Variants in CDK3 observed in about 807,000 individuals in gnomAD.
CDK3 encodes the protein cyclin-dependent kinase 3.
CDK3 carries 24 observed loss-of-function variants against 30.2 expected under a neutral mutation model. That is an observed-to-expected ratio of 0.79 (90% CI 0.57 to 1.12). CDK3 has a LOEUF of 1.12. CDK3 is among the 50% of genes most tolerant of loss of function. The pLI is 0.00. For missense variants in CDK3, 345 were observed against 376.0 expected (o/e 0.92, Z 0.68); for synonymous variants, 158 against 154.2 (o/e 1.02, Z -0.18).
chr17:76,005,702 C>G lies in CDK3; in HGVS notation c.*279C>G. On this transcript the variant is annotated 3_prime_UTR_variant, in exon 8 of 8. Transcript: ENST00000448471. This position sits in a 1 kb window ranked among gnomAD's most constrained non-coding sequence, Gnocchi z 4.7. ...AAGTGCCAAGTTGAAGGCAGGGGGC[C>G]TGCCAGAGCTGGGTGTGGGTATTCA... is the stretch of plus-strand genomic sequence containing the variant. The G allele has an allele frequency of 2.7e-6, 1 of 365,848 alleles. No individual in the cohort carries two copies. The highest frequency in any genetic ancestry group is 5.0e-6 in the Non-Finnish European group (1 of 201,708). 22.7% of individuals were successfully genotyped at this position (365,848 alleles called of 1,614,324 possible).
In CDK3 at chr17:76,001,201, G is replaced by A. The variant is rs1389168901; in HGVS notation, c.-14-211G>A. On this transcript the variant is annotated intron_variant, in intron 1 of 7. Coordinates refer to ENST00000448471, the MANE Select transcript of CDK3 (RefSeq NM_001258.4). This position sits in a 1 kb window ranked among gnomAD's most constrained non-coding sequence, Gnocchi z 6.2. Reference sequence around the variant, plus strand: ...TGAAGGGGGCCCCCTGACCCCCTTGGGGTCCGGGCTGGGCTGGGTGAGGGG... The same window carrying A: ...TGAAGGGGGCCCCCTGACCCCCTTGAGGTCCGGGCTGGGCTGGGTGAGGGG... 6 of 1,395,024 alleles carry A rather than the reference G, an allele frequency of 4.3e-6. No individual in the cohort carries two copies. In the Admixed American group the frequency reaches 1.4e-4, roughly 33 times the overall value. The allele number at this position is 1,395,024 out of a possible 1,614,324, so 86.4% of individuals were successfully genotyped here.
At position 76,002,130 on chromosome 17, in the gene CDK3, G is replaced by A. The variant is rs2144376651; in HGVS notation, c.303G>A (p.Leu101=). 2.5e-6 allele frequency: 4 copies of A among 1,613,964 alleles called. No individual in the cohort carries two copies. The highest frequency in any genetic ancestry group is 2.2e-5 in the East Asian group (1 of 44,876). ...MDSTPGSELP[L]HLIKSYLFQL... ...CCACCCCAGGCTCAGAGCTCCCCCTGCACCTCATCAAGGTAGGGAAGGAAG... is the reference window on the plus strand; with the variant it reads ...CCACCCCAGGCTCAGAGCTCCCCCTACACCTCATCAAGGTAGGGAAGGAAG... Residue 101 remains leucine (L), a synonymous_variant, in exon 4 of 8, where the codon CTG becomes CTA. Transcript: ENST00000448471. The surrounding 1 kb of genome is among the most constrained non-coding windows in gnomAD (Gnocchi z 4.3).
chr17:76,003,241 T>A lies in CDK3; in HGVS notation c.635T>A (p.Leu212His). ...LFPGDSEIDQ[L>H]FRIFRMLGTP... Reference sequence around the variant, plus strand: ...CCTGGTGACTCTGAGATTGACCAGCTCTTTCGTATCTTTCGTATGCTGGGG... The same window carrying A: ...CCTGGTGACTCTGAGATTGACCAGCACTTTCGTATCTTTCGTATGCTGGGG... The change falls in exon 7 of 8, where the codon CTC (leucine) becomes CAC (histidine). Residue 212 changes from leucine (L) to histidine (H), a missense_variant. Coordinates refer to ENST00000448471, the MANE Select transcript of CDK3 (RefSeq NM_001258.4). The A allele has an allele frequency of 6.2e-7, 1 of 1,614,172 alleles. No individual in the cohort carries two copies. The highest frequency in any genetic ancestry group is 8.5e-7 in the Non-Finnish European group (1 of 1,180,028).
At chr17:76,003,035 C>T in intron 6 of CDK3, 160 bp from the exon 7 acceptor site, 1 of 684,496 alleles carries the variant, frequency 1.5e-6, no homozygotes, top group Non-Finnish European at 2.6e-6. Context: ...GGCTAAAGGA[C>T]TGAGGAAGGT....
Position 76,005,480 on chromosome 17 carries a change from C to T in CDK3, c.*57C>T. 1 of 1,573,402 alleles carries T rather than the reference C, an allele frequency of 6.4e-7. No individual in the cohort carries two copies. The highest frequency in any genetic ancestry group is 8.7e-7 in the Non-Finnish European group (1 of 1,154,600). On this transcript the variant is annotated 3_prime_UTR_variant, in exon 8 of 8. Transcript: ENST00000448471. This position sits in a 1 kb window ranked among gnomAD's most constrained non-coding sequence, Gnocchi z 4.7. ...GAGCAGCTGCTGCCCCAGCTGCCTC[C>T]TACCCATTGCCAAGAGAGGATGCAT...
Position 76,002,697 on chromosome 17 carries a change from G to A in CDK3, c.588+85G>A, listed in dbSNP as rs998304538. On this transcript the variant is annotated intron_variant, in intron 6 of 7. Transcript: ENST00000448471. This position sits in a 1 kb window ranked among gnomAD's most constrained non-coding sequence, Gnocchi z 4.3. ...GTGGGGTCCACTGATGCTCCCATTCGAGGCGGATTAAAGAGTGTTTGGGGC... is the reference window on the plus strand; with the variant it reads ...GTGGGGTCCACTGATGCTCCCATTCAAGGCGGATTAAAGAGTGTTTGGGGC... The A allele has an allele frequency of 1.7e-5, 13 of 745,130 alleles. No homozygotes were observed. The highest frequency in any genetic ancestry group is 3.4e-5 in the African/African-American group (2 of 58,556). 46.2% of individuals were successfully genotyped at this position (745,130 alleles called of 1,614,324 possible).
At chr17:76,004,072 T>TC in intron 7 of CDK3, among the ~76,000 whole-genome samples, 1 of 152,052 alleles carries the variant, frequency 6.6e-6, no homozygotes, top group East Asian at 1.9e-4. Context: ...GCCTGGCTGT[T>TC]CCCCTGTGAC....
rs1300198245 is a variant in CDK3, at chr17:76,005,294, C to A, written c.793-4C>A. 17 of 1,613,260 alleles carry A rather than the reference C, an allele frequency of 1.1e-5. No homozygotes were observed. The highest frequency in any genetic ancestry group is 1.4e-5 in the Non-Finnish European group (17 of 1,179,554). On this transcript the variant is annotated splice_polypyrimidine_tract_variant and splice_region_variant and intron_variant, in intron 7 of 7. Transcript: ENST00000448471. This position sits in a 1 kb window ranked among gnomAD's most constrained non-coding sequence, Gnocchi z 4.7. ...ACCACATCTTCTTCCTTCTTTCTTC[C>A]TAGCAACTCCTGCAGTATGACCCCA...
Position 76,001,780 on chromosome 17 carries a change from A to G in CDK3, c.117-94A>G. The G allele has an allele frequency of 8.1e-7, 1 of 1,238,108 alleles. No homozygotes were observed. Among genetic ancestry groups the G allele is most frequent in the South Asian group, 1.4e-5 (1 of 69,556 alleles). The allele number at this position is 1,238,108 out of a possible 1,614,324, so 76.7% of individuals were successfully genotyped here. ...GGTCTCCATTGCCGGGGCCCTGGTC[A>G]TTCTGTGGGGTTAAGGAGAAGCCGA... On this transcript the variant is annotated intron_variant, in intron 2 of 7. Coordinates refer to ENST00000448471, the MANE Select transcript of CDK3 (RefSeq NM_001258.4). The surrounding 1 kb of genome is among the most constrained non-coding windows in gnomAD (Gnocchi z 6.2).
rs748431056 is a variant in CDK3, at chr17:76,005,316, C to T, written c.811C>T (p.Pro271Ser). ...DLLMQLLQYD[P>S]SQRITAKTAL... ...TTCCTAGCAACTCCTGCAGTATGAC[C>T]CCAGCCAGCGGATCACAGCCAAGAC... Residue 271 changes from proline (P) to serine (S), a missense_variant, in exon 8 of 8, where the codon CCC becomes TCC. Physicochemically the swap from Pro to Ser is moderately conservative, Grantham distance 74. Transcript: ENST00000448471. This position sits in a 1 kb window ranked among gnomAD's most constrained non-coding sequence, Gnocchi z 4.7. 4 of 1,614,092 alleles carry T rather than the reference C, an allele frequency of 2.5e-6. No homozygotes were observed. The highest frequency in any genetic ancestry group is 4.5e-5 in the East Asian group (2 of 44,876).
Position 76,003,349 on chromosome 17 carries a change from T to C in CDK3, c.743T>C (p.Leu248Pro). Residue 248 changes from leucine (L) to proline (P), a missense_variant, in exon 7 of 8, where the codon CTG (leucine) becomes CCG (proline). Leu to Pro is a moderately conservative substitution (Grantham distance 98). Coordinates refer to ENST00000448471, the MANE Select transcript of CDK3 (RefSeq NM_001258.4). ...GSFPKWTRKG[L>P]EEIVPNLEPE... Reference sequence around the variant, plus strand: ...TTCCCTAAGTGGACCAGGAAGGGACTGGAAGAGATTGTGCCCAATCTGGAG... The same window carrying C: ...TTCCCTAAGTGGACCAGGAAGGGACCGGAAGAGATTGTGCCCAATCTGGAG... 6.2e-7 allele frequency: 1 copy of C among 1,613,964 alleles called. No homozygotes were observed. The highest frequency in any genetic ancestry group is 1.1e-5 in the South Asian group (1 of 91,066).
chr17:76,003,712 T>C (rs748562790), intron 7 of CDK3, among the ~76,000 whole-genome samples: 9 of 152,226 alleles, frequency 5.9e-5, no homozygotes, highest in Non-Finnish European at 1.0e-4. Context: ...ATCTAAGCTG[T>C]ATGCCTCCCC....
chr17:76,004,221 T>TTTTTTTTG (rs2066289620), intron 7 of CDK3, among the ~76,000 whole-genome samples: 2 of 136,956 alleles, frequency 1.5e-5, no homozygotes, highest in Admixed American at 7.2e-5. Flanking sequence ...AACCGTCTGT[T>TTTTTTTTG]TTTTTTTTTT....
rs1892872766 is a variant in CDK3, at chr17:76,001,181, G to T, written c.-15+214G>T. 1 of 1,359,912 alleles carries T rather than the reference G, an allele frequency of 7.4e-7. No homozygotes were observed. The allele number at this position is 1,359,912 out of a possible 1,614,324, so 84.2% of individuals were successfully genotyped here. The stretch of plus-strand genomic sequence containing the variant: ...CCTGGCTGAACTGGGCTGGGTGAAG[G>T]GGGCCCCCTGACCCCCTTGGGGTCC... On this transcript the variant is annotated intron_variant, in intron 1 of 7. Transcript: ENST00000448471. The surrounding 1 kb of genome is among the most constrained non-coding windows in gnomAD (Gnocchi z 6.2).
intron 7 of CDK3, among the ~76,000 whole-genome samples, chr17:76,004,215 G>GTTTTTT (rs2066288229): frequency 2.9e-5 from 1 of 35,004 alleles, no homozygotes; most frequent in Non-Finnish European, 4.9e-5. Flanking sequence ...TGGCAGAACC[G>GTTTTTT]TCTGTTTTTT....
In CDK3 at chr17:76,003,381, GGCAGGGACCT is replaced by G. The variant is rs749238475; in HGVS notation, c.778_787del (p.Arg260SerfsTer78). 1.2e-6 allele frequency: 2 copies of G among 1,613,474 alleles called. No individual in the cohort carries two copies. ...GATTGTGCCCAATCTGGAGCCAGAG[GGCAGGGACCT>G]GCTCATGGTAGGTGCATGTGGGCTC... On this transcript the variant is annotated frameshift_variant, in exon 7 of 8. Transcript: ENST00000448471. LOFTEE classifies it low-confidence loss of function (END_TRUNC).
Position 76,002,931 on chromosome 17 carries a change from A to C in CDK3, c.589-264A>C, listed in dbSNP as rs2144379846. The C allele has an allele frequency of 1.8e-6, 1 of 553,266 alleles. No individual in the cohort carries two copies. The highest frequency in any genetic ancestry group is 1.9e-5 in the African/African-American group (1 of 53,120). The allele number at this position is 553,266 out of a possible 1,614,324, so 34.3% of individuals were successfully genotyped here. A position where few individuals can be genotyped will look rare whatever the true frequency, so the allele number is the denominator to read the frequency against. On this transcript the variant is annotated intron_variant, in intron 6 of 7. Coordinates refer to ENST00000448471, the MANE Select transcript of CDK3 (RefSeq NM_001258.4). The surrounding 1 kb of genome is among the most constrained non-coding windows in gnomAD (Gnocchi z 4.3). ...GGAGGATTGCTTGAGCCTGTGGTTG[A>C]GGCTGCAGTGAGCTGTGATCGCACG...
At position 76,001,589 on chromosome 17, in the gene CDK3, C is replaced by T. The variant is rs753094809; in HGVS notation, c.116+48C>T. ...AGTTACCCACCCTGGGCCATCACAA[C>T]CTGGGCGCTCCCTGATCCGTTCCCT... On this transcript the variant is annotated intron_variant, in intron 2 of 7. Coordinates refer to ENST00000448471, the MANE Select transcript of CDK3 (RefSeq NM_001258.4). This position sits in a 1 kb window ranked among gnomAD's most constrained non-coding sequence, Gnocchi z 6.2. 3 of 1,481,434 alleles carry T rather than the reference C, an allele frequency of 2.0e-6. No homozygotes were observed. In the Middle Eastern group the frequency reaches 5.5e-4, roughly 270 times the overall value. 91.8% of individuals were successfully genotyped at this position (1,481,434 alleles called of 1,614,324 possible).
Position 76,001,239 on chromosome 17 carries a change from C to A in CDK3, c.-14-173C>A. On this transcript the variant is annotated intron_variant, in intron 1 of 7. Coordinates refer to ENST00000448471, the MANE Select transcript of CDK3 (RefSeq NM_001258.4). The surrounding 1 kb of genome is among the most constrained non-coding windows in gnomAD (Gnocchi z 6.2). ...GCTGGGTGAGGGGCGGTTTCCGACCCCCAGCCAGGTTCCCAGGCAGGATGA... is the reference window on the plus strand; with the variant it reads ...GCTGGGTGAGGGGCGGTTTCCGACCACCAGCCAGGTTCCCAGGCAGGATGA... 6.8e-7 allele frequency: 1 copy of A among 1,468,002 alleles called. No individual in the cohort carries two copies. The highest frequency in any genetic ancestry group is 9.0e-7 in the Non-Finnish European group (1 of 1,110,410). The allele number at this position is 1,468,002 out of a possible 1,614,324, so 90.9% of individuals were successfully genotyped here. A position where few individuals can be genotyped will look rare whatever the true frequency, so the allele number is the denominator to read the frequency against.
Sources: gnomAD v4.1 joint callset for allele counts (sites outside exome capture counted in the v4.1 genomes callset) on GRCh38, gnomAD v4.1.1 for gene constraint, Gnocchi (gnomAD v3.1) non-coding constraint, MANE v1.5 for transcripts, NCBI Gene and HGNC (gene_info 2026-07-23, HGNC 2026-07-21) for gene names.